CHN2: variants seen among roughly 807,000 people sequenced by gnomAD.
CHN2 encodes beta-chimaerin.
Under a neutral mutation model 56.3 loss-of-function variants are expected in CHN2, and 35 were observed. The ratio of observed to expected loss-of-function variants is 0.62; its 90% confidence interval spans 0.47 to 0.82. CHN2 has a LOEUF of 0.82. CHN2 is among the 40% of genes least tolerant of loss of function. The pLI is 0.00. For synonymous variants in CHN2, 210 were observed against 212.8 expected, an observed-to-expected ratio of 0.99 and a Z score of 0.12; for missense variants, 491 against 580.5, an observed-to-expected ratio of 0.85 and a Z score of 1.58.
chr7:29,221,974 C>T (rs1157594245), intron 1 of CHN2, among the ~76,000 whole-genome samples: 1 of 152,102 alleles, frequency 6.6e-6, no homozygotes, highest in Non-Finnish European at 1.5e-5. Context: ...TGGACATATA[C>T]CCAGTAATGG....
intron 3 of CHN2, among the ~76,000 whole-genome samples, chr7:29,369,778 C>CA (rs1799463906): frequency 6.6e-6 from 1 of 152,172 alleles, no homozygotes; most frequent in Admixed American, 6.5e-5. Context: ...GGGTCCACTG[C>CA]ATGTCTGTTT....
At chr7:29,408,646 A>G (rs1802887859) in intron 6 of CHN2, among the ~76,000 whole-genome samples, 1 of 152,192 alleles carries the variant, frequency 6.6e-6, no homozygotes, top group African/African-American at 2.4e-5. Flanking sequence ...ATGATGGGAA[A>G]CAATTAACTG....
At chr7:29,495,735 T>G (rs1789198472) in intron 7 of CHN2, among the ~76,000 whole-genome samples, 1 of 152,202 alleles carries the variant, frequency 6.6e-6, no homozygotes, top group Admixed American at 6.5e-5. Flanking sequence ...TTTCTCCACG[T>G]TCCTTTCTGA....
Position 29,354,604 on chromosome 7 carries a change from CTTTT to C in CHN2, c.50-12_50-9del. ...TGACGTTCAGGCTGATGATGGATTT[CTTTT>C]TTTTTTTTCATTCTAGATGCTGAAG... On this transcript the variant is annotated splice_polypyrimidine_tract_variant and intron_variant, in intron 1 of 12. Transcript: ENST00000222792. 2 of 1,388,572 alleles carry C rather than the reference CTTTT, an allele frequency of 1.4e-6. No individual in the cohort carries two copies. Among genetic ancestry groups the C allele is most frequent in the Non-Finnish European group, 9.8e-7 (1 of 1,017,436 alleles). 86.0% of individuals were successfully genotyped at this position (1,388,572 alleles called of 1,614,324 possible).
chr7:29,503,773 G>A (rs1019941890), intron 9 of CHN2, among the ~76,000 whole-genome samples: 8 of 152,214 alleles, frequency 5.3e-5, no homozygotes, highest in South Asian at 2.1e-4. Flanking sequence ...GTTATCAAGA[G>A]TTTGGCAGAA....
intron 1 of CHN2, among the ~76,000 whole-genome samples, chr7:29,241,006 C>T (rs1309894353): frequency 6.6e-6 from 1 of 152,116 alleles, no homozygotes; most frequent in East Asian, 1.9e-4. Flanking sequence ...CCACCTCAGC[C>T]TCCTGCACAG....
intron 1 of CHN2, among the ~76,000 whole-genome samples, chr7:29,301,138 A>AT (rs1363375113): frequency 6.6e-6 from 1 of 152,028 alleles, no homozygotes; most frequent in Non-Finnish European, 1.5e-5. Context: ...GTCCTTTGTC[A>AT]TTTTTTCTTA....
chr7:29,163,512 A>C (rs370006526), intron 2 of CHN2, among the ~76,000 whole-genome samples: 2 of 152,342 alleles, frequency 1.3e-5, no homozygotes, highest in South Asian at 4.1e-4. Context: ...GGGCATATGC[A>C]TATGAGCAAT....
chr7:29,319,411 A>G (rs39122), intron 1 of CHN2, among the ~76,000 whole-genome samples: 42,953 of 151,222 alleles, frequency 0.28, 6,362 homozygotes, highest in East Asian at 0.48. Context: ...CAGCACCTTC[A>G]TTATTGGTGC....
At chr7:29,267,759 A>G (rs1790268474) in intron 1 of CHN2, among the ~76,000 whole-genome samples, 1 of 152,216 alleles carries the variant, frequency 6.6e-6, no homozygotes, top group African/African-American at 2.4e-5. Flanking sequence ...GAATCAGGCC[A>G]TTCTTCAAGA....
intron 1 of CHN2, among the ~76,000 whole-genome samples, chr7:29,280,196 C>A (rs905557246): frequency 6.6e-6 from 1 of 151,996 alleles, no homozygotes; most frequent in East Asian, 1.9e-4. Context: ...CCAGCCTGGC[C>A]AACATGGCGA....
chr7:29,472,598 A>G (rs1301257419), intron 6 of CHN2, among the ~76,000 whole-genome samples: 3 of 152,182 alleles, frequency 2.0e-5, no homozygotes, highest in African/African-American at 4.8e-5. Flanking sequence ...GGAAAAAAAA[A>G]GAGCATGCTA....
chr7:29,372,611 A>G (rs1799706359), intron 3 of CHN2, among the ~76,000 whole-genome samples: 1 of 152,238 alleles, frequency 6.6e-6, no homozygotes, highest in Non-Finnish European at 1.5e-5. Flanking sequence ...AAATGATGAA[A>G]AAAAAGGATA....
In CHN2 at chr7:29,435,702, A is replaced by G. The variant is rs566643077; in HGVS notation, c.576+34874A>G. 6.5e-4 allele frequency among the ~76,000 whole-genome samples: 99 copies of G among 152,324 alleles called. 2 individuals are homozygous for G. In the South Asian group the frequency reaches 0.011, roughly 17 times the overall value. ...TCATTGACCAGTCATTATGCGGTAC[A>G]TGACTAAATTTTAATAAGCCCTCCA... On this transcript the variant is annotated intron_variant, in intron 6 of 12. Transcript: ENST00000222792.
At chr7:29,246,429 C>T (rs755028846) in intron 1 of CHN2, among the ~76,000 whole-genome samples, 11 of 152,084 alleles carry the variant, frequency 7.2e-5, no homozygotes, top group Non-Finnish European at 1.5e-4. Context: ...CTCCTTGTTT[C>T]CAAGGAGTGA....
At chr7:29,256,594 C>T (rs766378800) in intron 1 of CHN2, among the ~76,000 whole-genome samples, 37 of 152,156 alleles carry the variant, frequency 2.4e-4, no homozygotes, top group Admixed American at 4.6e-4. Flanking sequence ...TTTTCATTCC[C>T]CAGTATATTC....
intron 7 of CHN2, among the ~76,000 whole-genome samples, chr7:29,485,498 T>C (rs1003106958): frequency 4.6e-5 from 7 of 152,168 alleles, no homozygotes; most frequent in Non-Finnish European, 7.3e-5. Flanking sequence ...CTGGAGATCC[T>C]GTGTAAGAGA....
intron 8 of CHN2, among the ~76,000 whole-genome samples, chr7:29,498,056 T>C (rs1401248186): frequency 1.3e-5 from 2 of 152,234 alleles, no homozygotes; most frequent in African/African-American, 2.4e-5. Context: ...GATAAATTTA[T>C]CAGAATTTAA....
chr7:29,356,039 T>A (rs1798295536), intron 2 of CHN2, among the ~76,000 whole-genome samples: 1 of 151,940 alleles, frequency 6.6e-6, no homozygotes, highest in Non-Finnish European at 1.5e-5. Flanking sequence ...AACCTCGGCC[T>A]CCGAAATTGC....
Sources: allele counts gnomAD v4.1 joint callset (sites outside exome capture counted in the v4.1 genomes callset), GRCh38; gene constraint gnomAD v4.1.1; transcripts MANE v1.5; gene names NCBI Gene and HGNC (gene_info 2026-07-23, HGNC 2026-07-21).